NHS: variants seen among roughly 807,000 people sequenced by gnomAD.
The protein encoded by NHS is NHS actin remodeling regulator.
A neutral mutation model predicts 72.5 loss-of-function variants in NHS; 5 were observed. The observed-to-expected ratio is 0.07, with a 90% CI of 0.04 to 0.14. NHS has a LOEUF of 0.14. Among genes scored for constraint, NHS ranks in the 10% least tolerant of loss-of-function variants. The pLI is 1.00. For synonymous variants in NHS, 464 were observed against 547.7 expected (o/e 0.85, Z 2.13); for missense variants, 1,072 against 1,355.7 (o/e 0.79, Z 3.29).
chrX:17,549,147 A>AAAAG, intron 1 of NHS, among the ~76,000 whole-genome samples: 1 of 105,336 alleles, frequency 9.5e-6, no homozygotes, highest in Non-Finnish European at 1.9e-5. Context: ...AAAAAAAAAA[A>AAAAG]AAAGAAAGAA....
At chrX:17,628,071 A>G (rs897043957) in intron 1 of NHS, among the ~76,000 whole-genome samples, 6 of 113,086 alleles carry the variant, frequency 5.3e-5, no homozygotes, top group African/African-American at 1.3e-4. Flanking sequence ...CTGGAGGGCA[A>G]AAGGTTCTAA....
At chrX:17,708,244 G>C (rs149579442) in intron 3 of NHS, among the ~76,000 whole-genome samples, 1 of 111,670 alleles carries the variant, frequency 9.0e-6, no homozygotes, top group African/African-American at 3.3e-5. Context: ...AAAGAAATAA[G>C]TTCAAATCCT....
At chrX:17,716,276 C>T (rs1179739367) in intron 3 of NHS, among the ~76,000 whole-genome samples, 1 of 111,937 alleles carries the variant, frequency 8.9e-6, no homozygotes, top group Non-Finnish European at 1.9e-5. Context: ...AAATATTCAA[C>T]AGGAGAGCTG....
intron 1 of NHS, among the ~76,000 whole-genome samples, chrX:17,512,623 T>C (rs2065095237): frequency 8.9e-6 from 1 of 112,533 alleles, no homozygotes; most frequent in African/African-American, 3.2e-5. Flanking sequence ...TCACCTACTA[T>C]TTCTTTCAGA....
intron 1 of NHS, among the ~76,000 whole-genome samples, chrX:17,607,926 T>C (rs1266685195): frequency 2.9e-5 from 3 of 103,373 alleles, no homozygotes; most frequent in East Asian, 2.9e-4. Flanking sequence ...TTTCTTTTTT[T>C]TTTTTTTTTT....
intron 1 of NHS, among the ~76,000 whole-genome samples, chrX:17,568,232 A>G (rs113695022): frequency 1.4e-3 from 152 of 112,236 alleles, no homozygotes; most frequent in Non-Finnish European, 2.6e-3. Flanking sequence ...TTCCACTTCC[A>G]GAGTGCCATC....
At chrX:17,408,885 T>C (rs1341390620) in intron 1 of NHS, among the ~76,000 whole-genome samples, 1 of 111,510 alleles carries the variant, frequency 9.0e-6, no homozygotes, top group African/African-American at 3.3e-5. Flanking sequence ...TTTTCTTGTC[T>C]TGTAGATAAC....
intron 1 of NHS, among the ~76,000 whole-genome samples, chrX:17,583,642 A>G (rs1243441062): frequency 8.9e-6 from 1 of 112,247 alleles, no homozygotes; most frequent in Admixed American, 9.4e-5. Flanking sequence ...GCAGATAAGC[A>G]ACTCCCGAAG....
chrX:17,427,642 C>T (rs1001744370), intron 1 of NHS, among the ~76,000 whole-genome samples: 6 of 112,297 alleles, frequency 5.3e-5, no homozygotes, highest in Non-Finnish European at 9.4e-5. Flanking sequence ...GAAATAAATT[C>T]TTCTGGGATT....
At chrX:17,585,758 A>G (rs2065572019) in intron 1 of NHS, among the ~76,000 whole-genome samples, 2 of 108,899 alleles carry the variant, frequency 1.8e-5, no homozygotes, top group Admixed American at 9.9e-5. Flanking sequence ...TAATAATAAT[A>G]ATAATAATAA....
intron 1 of NHS, among the ~76,000 whole-genome samples, chrX:17,634,650 T>C (rs984451416): frequency 1.9e-5 from 2 of 105,415 alleles, no homozygotes; most frequent in Non-Finnish European, 3.9e-5. Flanking sequence ...TTGAGTATTC[T>C]TGCTATGCGC....
chrX:17,537,925 C>G (rs2146948576), intron 1 of NHS, among the ~76,000 whole-genome samples: 1 of 111,603 alleles, frequency 9.0e-6, no homozygotes, highest in East Asian at 2.8e-4. Context: ...GAGGGGAAAA[C>G]AAAAGGGAAG....
chrX:17,712,290 T>TATATATATACAC (rs1396937988), intron 3 of NHS, among the ~76,000 whole-genome samples: 11 of 53,006 alleles, frequency 2.1e-4, no homozygotes, highest in Non-Finnish European at 3.0e-4. Flanking sequence ...TATATATATA[T>TATATATATACAC]ACACACACAC....
intron 3 of NHS, among the ~76,000 whole-genome samples, chrX:17,706,105 T>C (rs1411956932): frequency 9.0e-6 from 1 of 110,838 alleles, no homozygotes; most frequent in Admixed American, 9.6e-5. Context: ...GGTGGGAGGA[T>C]TGCTTCAGAC....
At chrX:17,420,967 A>AG (rs1250174375) in intron 1 of NHS, among the ~76,000 whole-genome samples, 5 of 111,264 alleles carry the variant, frequency 4.5e-5, no homozygotes, top group African/African-American at 1.6e-4. Context: ...AATGGAAATA[A>AG]GAAATATAGA....
chrX:17,677,751 T>C (rs1468827223), intron 1 of NHS, among the ~76,000 whole-genome samples: 1 of 111,826 alleles, frequency 8.9e-6, no homozygotes, highest in African/African-American at 3.3e-5. Flanking sequence ...ACCCACCTGG[T>C]AGAACATTAT....
intron 1 of NHS, among the ~76,000 whole-genome samples, chrX:17,681,101 GTCT>G (rs1206876361): frequency 5.4e-5 from 6 of 111,909 alleles, no homozygotes; most frequent in African/African-American, 1.9e-4. Flanking sequence ...GTTGTGGGCA[GTCT>G]TCTTTCCAGT....
Position 17,488,144 on chromosome X carries a change from T to C in NHS, c.565+111822T>C, listed in dbSNP as rs144933535. On this transcript the variant is annotated intron_variant, in intron 1 of 8. Transcript: ENST00000676302. ...GTCATTCAGGAGTTTCCGCTACGGG[T>C]AGAGATTCCCATACATAAGGCACCA... Among the ~76,000 whole-genome samples the C allele has an allele frequency of 4.7e-3, 525 of 111,165 alleles. 2 individuals are homozygous for C. The highest frequency in any genetic ancestry group is 7.7e-3 in the Non-Finnish European group (410 of 53,035).
At chrX:17,592,751 G>T (rs747763170) in intron 1 of NHS, among the ~76,000 whole-genome samples, 1 of 111,889 alleles carries the variant, frequency 8.9e-6, no homozygotes, top group South Asian at 3.7e-4. Flanking sequence ...AAAGCCCAGT[G>T]CTAGGACAAA....
Sources: gnomAD v4.1 joint callset for allele counts (sites outside exome capture counted in the v4.1 genomes callset) on GRCh38, gnomAD v4.1.1 for gene constraint, MANE v1.5 for transcripts, NCBI Gene and HGNC (gene_info 2026-07-23, HGNC 2026-07-21) for gene names.